Variants in EIF4G3 observed in about 807,000 individuals in gnomAD.
EIF4G3 encodes eukaryotic translation initiation factor 4 gamma 3.
Under a neutral mutation model 186.4 loss-of-function variants are expected in EIF4G3, and 34 were observed. The observed-to-expected ratio is 0.18, with a 90% CI of 0.14 to 0.24. The LOEUF is 0.24. Ranked by LOEUF, EIF4G3 falls within the 10% of genes least tolerant of loss-of-function variation. The pLI, the probability that EIF4G3 is intolerant of heterozygous loss-of-function variation, is 1.00. For missense variants in EIF4G3, 1,536 were observed against 1,948.5 expected, an observed-to-expected ratio of 0.79 and a Z score of 3.99; for synonymous variants, 673 against 679.5, an observed-to-expected ratio of 0.99 and a Z score of 0.15.
At chr1:21,111,369 T>C (rs554343401) in intron 2 of EIF4G3, 2 of 471,534 alleles carry the variant, frequency 4.2e-6, no homozygotes, top group African/African-American at 4.0e-5. Flanking sequence ...TCCTCATCAA[T>C]ACTCTGTGGG....
intron 2 of EIF4G3, among the ~76,000 whole-genome samples, chr1:21,098,048 T>C (rs189935027): frequency 1.6e-4 from 24 of 152,128 alleles, no homozygotes; most frequent in African/African-American, 5.8e-4. Context: ...TGAGACCAGC[T>C]TGGGCAACAT....
At chr1:21,149,083 C>T (rs4276882) in intron 2 of EIF4G3, among the ~76,000 whole-genome samples, 10,449 of 148,488 alleles carry the variant, frequency 0.07, 624 homozygotes, top group East Asian at 0.27. Context: ...GCAACAGAGA[C>T]TCTATCTCTA....
At position 21,011,789 on chromosome 1, in the gene EIF4G3, T is replaced by C. The variant is rs117480062; in HGVS notation, c.-66-8981A>G. 3.5e-4 allele frequency among the ~76,000 whole-genome samples: 54 copies of C among 152,330 alleles called. No individual in the cohort carries two copies. The East Asian group carries it at 0.01, about 28-fold the overall frequency. On this transcript the variant is annotated intron_variant, in intron 4 of 36. Coordinates refer to ENST00000602326, the MANE Select transcript of EIF4G3 (RefSeq NM_001391906.1). ...AACAGTAAACTAACAAAATTTAGCA[T>C]GTCTTTTTAGTATACTGTATTGATC... is the stretch of plus-strand genomic sequence containing the variant.
chr1:21,091,469 A>G lies in EIF4G3; in HGVS notation c.-271-2256T>C, dbSNP rs72654834. 2.6e-5 allele frequency among the ~76,000 whole-genome samples: 4 copies of G among 152,264 alleles called. No individual in the cohort carries two copies. The South Asian group carries it at 6.2e-4, about 24-fold the overall frequency. ...AGCCACCGCACCTGACCATAGCTAC[A>G]GTCTTTTAACATTACTTCTGAACCA... On this transcript the variant is annotated intron_variant, in intron 2 of 36. Coordinates refer to ENST00000602326, the MANE Select transcript of EIF4G3 (RefSeq NM_001391906.1).
intron 25 of EIF4G3, among the ~76,000 whole-genome samples, chr1:20,857,162 CAAA>C (rs577290987): frequency 2.1e-5 from 1 of 47,362 alleles, no homozygotes; most frequent in Non-Finnish European, 3.6e-5. Context: ...GACTCCATCT[CAAA>C]AAAAAAAAAA....
intron 2 of EIF4G3, among the ~76,000 whole-genome samples, chr1:21,120,395 C>T (rs2096905394): frequency 2.6e-5 from 4 of 151,926 alleles, no homozygotes. Context: ...GGCGCAGTGG[C>T]TCACATCTGT....
intron 7 of EIF4G3, among the ~76,000 whole-genome samples, chr1:20,991,657 A>G (rs1328320287): frequency 6.6e-6 from 1 of 152,222 alleles, no homozygotes; most frequent in Non-Finnish European, 1.5e-5. Context: ...TAGTAGAGCT[A>G]CAGCAGTGAA....
At chr1:20,879,824 T>C (rs947410845) in intron 19 of EIF4G3, among the ~76,000 whole-genome samples, 1 of 152,184 alleles carries the variant, frequency 6.6e-6, no homozygotes, top group African/African-American at 2.4e-5. Flanking sequence ...AAACTGTGTA[T>C]GTAACCTTTG....
chr1:20,860,634 G>T, intron 23 of EIF4G3, 117 bp from the exon 24 acceptor site: 3 of 1,152,754 alleles, frequency 2.6e-6, no homozygotes, highest in South Asian at 1.6e-5. Flanking sequence ...CTGTATTATG[G>T]CAGTTTCTCA....
intron 30 of EIF4G3, among the ~76,000 whole-genome samples, chr1:20,830,213 T>C (rs1266361738): frequency 1.3e-5 from 2 of 152,198 alleles, no homozygotes; most frequent in African/African-American, 4.8e-5. Context: ...TTCCAGGTTC[T>C]AGCCAAAGTA....
Position 20,807,097 on chromosome 1 carries a change from T to G in EIF4G3, c.*222A>C. ...AAATATTTTCTATAAATAATACATG[T>G]ATTTTGGTTTTAGTGCTCCCGCCCT... On this transcript the variant is annotated 3_prime_UTR_variant, in exon 37 of 37. Transcript: ENST00000602326. 2.8e-6 allele frequency: 1 copy of G among 351,828 alleles called. No homozygotes were observed. Among genetic ancestry groups the G allele is most frequent in the Non-Finnish European group, 5.0e-6 (1 of 198,062 alleles). 21.8% of individuals were successfully genotyped at this position (351,828 alleles called of 1,614,324 possible). A position where few individuals can be genotyped will look rare whatever the true frequency, so the allele number is the denominator to read the frequency against.
At chr1:21,024,218 G>T (rs1370419188) in intron 4 of EIF4G3, among the ~76,000 whole-genome samples, 1 of 150,064 alleles carries the variant, frequency 6.7e-6, no homozygotes, top group African/African-American at 2.5e-5. Flanking sequence ...GGAGGGAGGT[G>T]GGGGTTCAGC....
In EIF4G3 at chr1:20,973,111, G is replaced by A. The variant is rs749422333; in HGVS notation, c.494-12C>T. 6.2e-7 allele frequency: 1 copy of A among 1,601,990 alleles called. No homozygotes were observed. On this transcript the variant is annotated splice_polypyrimidine_tract_variant and intron_variant, in intron 10 of 36. Transcript: ENST00000602326. The stretch of plus-strand genomic sequence containing the variant: ...GTAAAAAGGCGTTCCTAAAAAGTTG[G>A]AAAAAATTAAATAGGCATTCAGTTA...
chr1:20,993,421 G>A (rs185041760), intron 7 of EIF4G3, among the ~76,000 whole-genome samples: 1 of 138,568 alleles, frequency 7.2e-6, no homozygotes, highest in African/African-American at 2.5e-5. Flanking sequence ...TAAGTTCTAA[G>A]ATTACTAAAC....
At chr1:20,816,593 C>A (rs2061006744) in intron 34 of EIF4G3, among the ~76,000 whole-genome samples, 1 of 83,608 alleles carries the variant, frequency 1.2e-5, no homozygotes, top group Admixed American at 1.1e-4. Flanking sequence ...CTCTGTCTGG[C>A]CAGCCGCCCT....
At chr1:21,131,422 T>C (rs1271573716) in intron 2 of EIF4G3, among the ~76,000 whole-genome samples, 2 of 107,404 alleles carry the variant, frequency 1.9e-5, no homozygotes, top group East Asian at 2.7e-4. Context: ...AAAAAAGAAA[T>C]ACTTGAGATA....
At chr1:21,062,566 CAGATAT>C (rs528487268) in intron 3 of EIF4G3, among the ~76,000 whole-genome samples, 3 of 152,046 alleles carry the variant, frequency 2.0e-5, no homozygotes, top group Non-Finnish European at 4.4e-5. Context: ...GATATATCCA[CAGATAT>C]AGATATAGAT....
At chr1:20,933,047 C>T (rs1037792160) in intron 14 of EIF4G3, among the ~76,000 whole-genome samples, 2 of 152,062 alleles carry the variant, frequency 1.3e-5, no homozygotes, top group Non-Finnish European at 2.9e-5. Flanking sequence ...CTGTAGCTGA[C>T]GATGCAGAGG....
intron 24 of EIF4G3, 120 bp from the exon 25 acceptor site, chr1:20,857,617 T>C: frequency 1.2e-6 from 1 of 858,798 alleles, no homozygotes; most frequent in East Asian, 2.4e-5. Flanking sequence ...AAAGCATTGA[T>C]GACAATATCT....
Sources: gnomAD v4.1 joint callset for allele counts (sites outside exome capture counted in the v4.1 genomes callset) on GRCh38, gnomAD v4.1.1 for gene constraint, MANE v1.5 for transcripts, NCBI Gene and HGNC (gene_info 2026-07-23, HGNC 2026-07-21) for gene names.